The following ZNF565 variants were observed in gnomAD, a reference collection of about 807,000 sequenced individuals.
The protein encoded by ZNF565 is zinc finger protein 565.
In ZNF565, 27 loss-of-function variants were observed where a neutral mutation model predicts 39.4. The observed-to-expected ratio is 0.69, with a 90% CI of 0.51 to 0.95. ZNF565 has a LOEUF of 0.95. ZNF565 is among the 40% of genes least tolerant of loss of function. ZNF565 has a pLI of 0.00. For missense variants in ZNF565, 524 were observed against 621.1 expected (o/e 0.84, Z 1.66); for synonymous variants, 185 against 216.6 (o/e 0.85, Z 1.28).
At chr19:36,210,737 G>A (rs921482626) in intron 1 of ZNF565, among the ~76,000 whole-genome samples, 17 of 150,696 alleles carry the variant, frequency 1.1e-4, no homozygotes, top group Non-Finnish European at 1.6e-4. Context: ...CAATCCTCCC[G>A]CCTCAACCTC....
rs575999639 is a variant in ZNF565, at chr19:36,232,455, T to C, written c.55+13021A>G. The stretch of plus-strand genomic sequence containing the variant: ...GCAAATGATACCTTAAACATGGTTT[T>C]AGATTTTGCCGTCTATAGTCTGCAT... On this transcript the variant is annotated intron_variant, in intron 1 of 4. Coordinates refer to the ZNF565 transcript ENST00000355114. Among the ~76,000 whole-genome samples the C allele has an allele frequency of 2.0e-5, 3 of 152,252 alleles. No individual in the cohort carries two copies. In the South Asian group the frequency reaches 6.2e-4, roughly 32 times the overall value.
At chr19:36,194,811 A>C in intron 3 of ZNF565, 1 of 668,746 alleles carries the variant, frequency 1.5e-6, no homozygotes, top group South Asian at 1.7e-5. Context: ...AGAGAGCACC[A>C]GGCATTTCTT....
intron 1 of ZNF565, among the ~76,000 whole-genome samples, chr19:36,230,919 A>G (rs903267604): frequency 9.2e-5 from 14 of 152,142 alleles, no homozygotes; most frequent in Admixed American, 1.3e-4. Context: ...CTCCTGCCTT[A>G]GCCTCCCAAG....
intron 1 of ZNF565, chr19:36,236,530 C>G: frequency 6.2e-7 from 1 of 1,614,170 alleles, no homozygotes; most frequent in Non-Finnish European, 8.5e-7. Flanking sequence ...ACAAATCAAA[C>G]CTCACTGAGC....
At chr19:36,237,161 G>A (rs1196740103) in intron 1 of ZNF565, 5 of 1,614,122 alleles carry the variant, frequency 3.1e-6, no homozygotes, top group Non-Finnish European at 4.2e-6. Flanking sequence ...GAAGCCCTAT[G>A]GTTGTAATGA....
intron 3 of ZNF565, 131 bp from the exon 4 acceptor site, chr19:36,194,459 G>C (rs772733319): frequency 2.6e-5 from 16 of 612,350 alleles, no homozygotes; most frequent in Non-Finnish European, 3.7e-5. Context: ...AGACCGAGCT[G>C]CCCAGCAGAA....
At chr19:36,209,544 G>A (rs1976278128) in intron 1 of ZNF565, among the ~76,000 whole-genome samples, 1 of 149,044 alleles carries the variant, frequency 6.7e-6, no homozygotes, top group African/African-American at 2.5e-5. Context: ...AAAAAACAAT[G>A]GGCAATGGGA....
chr19:36,203,146 T>C (rs1159356102), intron 1 of ZNF565, among the ~76,000 whole-genome samples: 1 of 151,642 alleles, frequency 6.6e-6, no homozygotes, highest in Non-Finnish European at 1.5e-5. Context: ...ACCAGCCTAA[T>C]CAACATGGAG....
rs964909212 is a variant in ZNF565 at position 36,183,853 on chromosome 19, G to C, written c.233-120C>G. On this transcript the variant is annotated intron_variant, in intron 4 of 4. Coordinates refer to ENST00000304116, the MANE Select transcript of ZNF565 (RefSeq NM_152477.5). ...TGTAATCCCAGCACTTTGGGAGGCT[G>C]AGGCGGGTGGATCACAAGGTCGGGA... 11 of 825,710 alleles carry C rather than the reference G, an allele frequency of 1.3e-5. No homozygotes were observed. In the African/African-American group the frequency reaches 1.9e-4, roughly 14 times the overall value. The allele number at this position is 825,710 out of a possible 1,614,324, so 51.1% of individuals were successfully genotyped here.
intron 1 of ZNF565, chr19:36,237,841 G>C (rs1386184020): frequency 6.0e-6 from 1 of 167,102 alleles, no homozygotes; most frequent in African/African-American, 2.4e-5. Flanking sequence ...TTTTTAAGTG[G>C]AGGTAGTTTG....
At chr19:36,198,869 G>A (rs568553040) in intron 2 of ZNF565, among the ~76,000 whole-genome samples, 1 of 152,154 alleles carries the variant, frequency 6.6e-6, no homozygotes, top group East Asian at 1.9e-4. Context: ...CAAAGTGCTG[G>A]GATTACAGGC....
chr19:36,245,487 C>A lies in ZNF565; in HGVS notation c.44G>T (p.Arg15Leu), dbSNP rs772441688. The A allele has an allele frequency of 1.4e-6, 1 of 702,214 alleles. No individual in the cohort carries two copies. The highest frequency in any genetic ancestry group is 1.7e-5 in the African/African-American group (1 of 57,238). The allele number at this position is 702,214 out of a possible 1,614,324, so 43.5% of individuals were successfully genotyped here. The change falls in exon 1 of 5, where the codon CGC (arginine) becomes CTC (leucine). Residue 15 changes from arginine to leucine, a missense_variant. Transcript: ENST00000355114. This position sits in a 1 kb window ranked among gnomAD's most constrained non-coding sequence, Gnocchi z 4.4. ...ATCTAGGAGGTTACCTGCGTCCAGG[C>A]GGTGACTTGCGAGGGACCACCTTTC... is the stretch of plus-strand genomic sequence containing the variant.
intron 1 of ZNF565, among the ~76,000 whole-genome samples, chr19:36,234,875 G>T (rs1285248300): frequency 6.6e-6 from 1 of 152,172 alleles, no homozygotes; most frequent in Non-Finnish European, 1.5e-5. Flanking sequence ...GGTGTGTCCA[G>T]TCCTTTGTTC....
intron 1 of ZNF565, among the ~76,000 whole-genome samples, chr19:36,214,405 G>GCACCCCGATACTCTCTATCA (rs1373191673): frequency 2.6e-5 from 4 of 152,078 alleles, no homozygotes; most frequent in African/African-American, 9.7e-5. Flanking sequence ...CAAGGACCCT[G>GCACCCCGATACTCTCTATCA]CACCCCGATA....
Position 36,241,655 on chromosome 19 carries a change from G to T in ZNF565, c.55+3821C>A, listed in dbSNP as rs540605688. Among the ~76,000 whole-genome samples, 94 of 151,582 alleles carry T rather than the reference G, an allele frequency of 6.2e-4. 1 individual carries two copies. The highest frequency in any genetic ancestry group is 1.1e-3 in the Non-Finnish European group (75 of 67,936). ...AAAATACAAAAAATTAGCTGGGCGT[G>T]GTAGTGGACACCTATCATCCCAGTA... is the stretch of plus-strand genomic sequence containing the variant. On this transcript the variant is annotated intron_variant, in intron 1 of 4. Coordinates refer to the ZNF565 transcript ENST00000355114.
In ZNF565 at chr19:36,234,887, C is replaced by T. The variant is rs562884812; in HGVS notation, c.55+10589G>A. Among the ~76,000 whole-genome samples the T allele has an allele frequency of 3.3e-5, 5 of 152,270 alleles. No homozygotes were observed. The South Asian group carries it at 8.3e-4, about 25-fold the overall frequency. ...GAAGGTGTGTCCAGTCCTTTGTTCT[C>T]GTGACTGGACAGTGCATGTTCAACT... On this transcript the variant is annotated intron_variant, in intron 1 of 4. Transcript: ENST00000355114.
Position 36,245,310 on chromosome 19 carries a change from C to T in ZNF565, c.55+166G>A, listed in dbSNP as rs905697679. ...CGCGCCTAGAGGGCGTGTATGACCC[C>T]AGCTCAGTTCTAAGCCGAGGGGCTG... On this transcript the variant is annotated intron_variant, in intron 1 of 4. Coordinates refer to the ZNF565 transcript ENST00000355114. This position sits in a 1 kb window ranked among gnomAD's most constrained non-coding sequence, Gnocchi z 4.4. 2.0e-5 allele frequency among the ~76,000 whole-genome samples: 3 copies of T among 152,310 alleles called. No individual in the cohort carries two copies. Among genetic ancestry groups the T allele is most frequent in the African/African-American group, 7.2e-5 (3 of 41,568 alleles).
At chr19:36,187,655 C>A (rs1251416604) in intron 4 of ZNF565, among the ~76,000 whole-genome samples, 1 of 124,106 alleles carries the variant, frequency 8.1e-6, no homozygotes, top group Non-Finnish European at 1.7e-5. Flanking sequence ...GGTGCCCGGC[C>A]GAGACAGAGT....
intron 1 of ZNF565, among the ~76,000 whole-genome samples, chr19:36,209,289 G>A (rs924265479): frequency 6.6e-6 from 1 of 152,090 alleles, no homozygotes; most frequent in Non-Finnish European, 1.5e-5. Context: ...CCAGCACTTT[G>A]GGAGGCCGAG....
Sources: gnomAD v4.1 joint callset for allele counts (sites outside exome capture counted in the v4.1 genomes callset) on GRCh38, gnomAD v4.1.1 for gene constraint, Gnocchi (gnomAD v3.1) non-coding constraint, MANE v1.5 for transcripts, NCBI Gene and HGNC (gene_info 2026-07-23, HGNC 2026-07-21) for gene names.